PDE3B: variants seen among roughly 807,000 people sequenced by gnomAD.
The protein encoded by PDE3B is cGMP-inhibited 3',5'-cyclic phosphodiesterase 3B.
PDE3B carries 66 observed loss-of-function variants against 116.8 expected under a neutral mutation model. The observed-to-expected ratio is 0.56, with a 90% confidence interval of 0.46 to 0.69. The LOEUF is 0.69. Ranked by LOEUF, PDE3B falls within the 30% of genes least tolerant of loss-of-function variation. PDE3B has a pLI of 0.00. For synonymous variants in PDE3B, 595 were observed against 533.6 expected, an observed-to-expected ratio of 1.12 and a Z score of -1.59; for missense variants, 1,384 against 1,368.1, an observed-to-expected ratio of 1.01 and a Z score of -0.18.
intron 7 of PDE3B, among the ~76,000 whole-genome samples, chr11:14,820,869 A>AT (rs1013025838): frequency 1.3e-5 from 2 of 152,120 alleles, no homozygotes; most frequent in Non-Finnish European, 2.9e-5. Flanking sequence ...ATAAATTCCT[A>AT]TTTTTTTATA....
chr11:14,843,735 A>G, intron 11 of PDE3B, 92 bp from the exon 12 acceptor site: 1 of 865,662 alleles, frequency 1.2e-6, no homozygotes, highest in Non-Finnish European at 1.9e-6. Flanking sequence ...TAAAATAAGT[A>G]AGCATATTAC....
At chr11:14,760,765 A>C (rs1034371257) in intron 1 of PDE3B, among the ~76,000 whole-genome samples, 1 of 152,174 alleles carries the variant, frequency 6.6e-6, no homozygotes, top group Non-Finnish European at 1.5e-5. Flanking sequence ...GTGTGTATAC[A>C]TATTCTTTTG....
At chr11:14,645,091 G>C (rs751689546) in intron 1 of PDE3B, 38 bp downstream of exon 1, 4 of 1,505,148 alleles carry the variant, frequency 2.7e-6, no homozygotes, top group Non-Finnish European at 3.6e-6. Flanking sequence ...GACGCGAGCG[G>C]GTTCGGGTTT....
chr11:14,880,268 C>A, the PDE3B span: 1 of 1,613,028 alleles, frequency 6.2e-7, no homozygotes, highest in South Asian at 1.1e-5. Context: ...GATGATGGGT[C>A]ATTTTTACCT....
chr11:14,804,487 A>T (rs1858861329), intron 5 of PDE3B, among the ~76,000 whole-genome samples: 1 of 152,120 alleles, frequency 6.6e-6, no homozygotes, highest in Admixed American at 6.5e-5. Flanking sequence ...TTATAGAATG[A>T]TTAAAAACTC....
intron 1 of PDE3B, among the ~76,000 whole-genome samples, chr11:14,746,479 T>C (rs763223036): frequency 2.0e-5 from 3 of 152,230 alleles, no homozygotes; most frequent in Admixed American, 6.5e-5. Flanking sequence ...AGTTGTTGAT[T>C]TGATGCTGTA....
chr11:14,769,798 T>C (rs1857589125), intron 1 of PDE3B, among the ~76,000 whole-genome samples: 1 of 147,796 alleles, frequency 6.8e-6, no homozygotes, highest in Non-Finnish European at 1.5e-5. Context: ...TTTCAAGATT[T>C]TTTTTTTTTT....
chr11:14,735,116 C>T (rs1481413450), intron 1 of PDE3B, among the ~76,000 whole-genome samples: 4 of 152,204 alleles, frequency 2.6e-5, no homozygotes, highest in South Asian at 2.1e-4. Context: ...AAAAAGCACT[C>T]ATAAATATGT....
At chr11:14,832,623 A>C in intron 9 of PDE3B, 99 bp from the exon 10 acceptor site, 1 of 518,024 alleles carries the variant, frequency 1.9e-6, no homozygotes, top group Non-Finnish European at 3.5e-6. Context: ...ATATTAATAC[A>C]TGGTTAACAT....
At chr11:14,653,001 A>G (rs1853610548) in intron 1 of PDE3B, among the ~76,000 whole-genome samples, 1 of 152,206 alleles carries the variant, frequency 6.6e-6, no homozygotes. Context: ...CTCCATGGTT[A>G]AGTTTATTCC....
intron 5 of PDE3B, among the ~76,000 whole-genome samples, chr11:14,808,716 A>G (rs1859030017): frequency 6.6e-6 from 1 of 152,204 alleles, no homozygotes; most frequent in South Asian, 2.1e-4. Context: ...TTTTATTTCT[A>G]TATGCTAACA....
intron 5 of PDE3B, among the ~76,000 whole-genome samples, chr11:14,816,751 G>A (rs879560216): frequency 1.6e-4 from 25 of 152,176 alleles, no homozygotes; most frequent in African/African-American, 4.6e-4. Flanking sequence ...TTTTTAAAGC[G>A]ATCTGACATT....
At chr11:14,773,889 A>G (rs1000399816) in intron 2 of PDE3B, 1 of 152,178 alleles carries the variant, frequency 6.6e-6, no homozygotes, top group Non-Finnish European at 1.5e-5. Context: ...TCTGAATTTA[A>G]GCTCACTACT....
chr11:14,886,654 C>T, the PDE3B span: 1 of 152,176 alleles, frequency 6.6e-6, no homozygotes, highest in African/African-American at 2.4e-5. Flanking sequence ...TCTAGTTAAC[C>T]CAATATAAGA....
rs561041359 is a variant in PDE3B, at chr11:14,870,780, T to C, written c.*1120T>C. The C allele has an allele frequency of 1.2e-4, 19 of 152,296 alleles. No homozygotes were observed. The highest frequency in any genetic ancestry group is 2.4e-4 in the Non-Finnish European group (16 of 68,000). The allele number at this position is 152,296 out of a possible 1,614,324, so 9.4% of individuals were successfully genotyped here. On this transcript the variant is annotated 3_prime_UTR_variant, in exon 16 of 16. Coordinates refer to ENST00000282096, the MANE Select transcript of PDE3B (RefSeq NM_000922.4). The surrounding 1 kb of genome is among the most constrained non-coding windows in gnomAD (Gnocchi z 4.1). ...TTCTGAAGCCTAACTGCAAGACTGA[T>C]TTCTGAGAACAAGTAAAGAACTGGA...
intron 1 of PDE3B, among the ~76,000 whole-genome samples, chr11:14,768,115 C>T (rs1025813768): frequency 5.9e-5 from 9 of 151,308 alleles, no homozygotes; most frequent in African/African-American, 2.2e-4. Context: ...ATGATTGCTT[C>T]ATTTCATTCT....
At chr11:14,707,101 TAGTAATA>T (rs1446084254) in intron 1 of PDE3B, among the ~76,000 whole-genome samples, 2 of 151,856 alleles carry the variant, frequency 1.3e-5, no homozygotes, top group Non-Finnish European at 2.9e-5. Flanking sequence ...TAACTTCAGA[TAGTAATA>T]AGTGATGAGA....
chr11:14,688,160 C>CCT (rs10676187), intron 1 of PDE3B, among the ~76,000 whole-genome samples: 45,030 of 125,256 alleles, frequency 0.36, 7,729 homozygotes, highest in South Asian at 0.46. Context: ...TCCCTCCATC[C>CCT]CTCTCTCTCT....
At chr11:14,830,484 A>G (rs913471675) in intron 7 of PDE3B, among the ~76,000 whole-genome samples, 5 of 152,226 alleles carry the variant, frequency 3.3e-5, no homozygotes, top group Non-Finnish European at 5.9e-5. Flanking sequence ...ATGAAAGGTG[A>G]GTCCAATACA....
Sources: gnomAD v4.1 joint callset for allele counts (sites outside exome capture counted in the v4.1 genomes callset) on GRCh38, gnomAD v4.1.1 for gene constraint, Gnocchi (gnomAD v3.1) non-coding constraint, MANE v1.5 for transcripts, NCBI Gene and HGNC (gene_info 2026-07-23, HGNC 2026-07-21) for gene names.